Variants in METTL5 observed in about 807,000 individuals in gnomAD.
METTL5 encodes methyltransferase 5, N6-adenosine, also known as rRNA N(6)-adenosine-methyltransferase METTL5.
METTL5 carries 28 observed loss-of-function variants against 26.5 expected under a neutral mutation model. That is an observed-to-expected ratio of 1.06 (90% CI 0.78 to 1.45). The LOEUF (loss-of-function observed/expected upper bound fraction) is 1.45. Ranked by LOEUF, METTL5 falls within the 40% of genes most tolerant of loss-of-function variation. METTL5 has a pLI of 0.00. For missense variants in METTL5, 231 were observed against 249.9 expected (o/e 0.92, Z 0.51); for synonymous variants, 86 against 82.6 (o/e 1.04, Z -0.22).
Position 169,821,283 on chromosome 2 carries a change from C to T in METTL5, c.225-10G>A, listed in dbSNP as rs201934705. ...AAATCCAACACACAACCTATAAATACAAAACACATACAAAGAGTGGCGACT... is the reference window on the plus strand; with the variant it reads ...AAATCCAACACACAACCTATAAATATAAAACACATACAAAGAGTGGCGACT... On this transcript the variant is annotated splice_polypyrimidine_tract_variant and intron_variant, in intron 2 of 6. Coordinates refer to ENST00000260953, the MANE Select transcript of METTL5 (RefSeq NM_014168.4). The T allele has an allele frequency of 3.9e-5, 62 of 1,573,536 alleles. No homozygotes were observed. In the South Asian group the frequency reaches 4.7e-4, roughly 12 times the overall value.
chr2:169,824,272 G>C (rs1448508357), intron 1 of METTL5: 4 of 507,278 alleles, frequency 7.9e-6, no homozygotes, highest in African/African-American at 5.7e-5. Context: ...CAGTGTTAAG[G>C]GATATGCAGA....
intron 4 of METTL5, among the ~76,000 whole-genome samples, chr2:169,819,309 TTTC>T (rs1359271091): frequency 6.6e-6 from 1 of 152,042 alleles, no homozygotes; most frequent in Non-Finnish European, 1.5e-5. Flanking sequence ...ACAACACACT[TTTC>T]TACTCCTGAG....
intron 1 of METTL5, 29 bp downstream of exon 1, chr2:169,824,460 G>GC: frequency 6.6e-7 from 1 of 1,503,938 alleles, no homozygotes. Flanking sequence ...AACGCCGAAA[G>GC]CCGGGGCGTG....
intron 4 of METTL5, among the ~76,000 whole-genome samples, chr2:169,816,660 GA>G (rs1364344698): frequency 6.6e-6 from 1 of 152,152 alleles, no homozygotes; most frequent in African/African-American, 2.4e-5. Flanking sequence ...ACAACCATCT[GA>G]TCTTTGACAA....
At position 169,824,484 on chromosome 2, in the gene METTL5, C is replaced by G. The variant is rs2081626258; in HGVS notation, c.109+5G>C. 4.3e-6 allele frequency: 7 copies of G among 1,611,610 alleles called. No homozygotes were observed. The highest frequency in any genetic ancestry group is 5.9e-6 in the Non-Finnish European group (7 of 1,177,728). ...AGCCGGGGCGTGGTGAACCAGCCGC[C>G]CTACCTGCAATGTGCGGCCTGGTAG... On this transcript the variant is annotated splice_donor_5th_base_variant and intron_variant, in intron 1 of 6. Coordinates refer to ENST00000260953, the MANE Select transcript of METTL5 (RefSeq NM_014168.4).
Position 169,824,675 on chromosome 2 carries a change from C to T in METTL5, c.-78G>A. On this transcript the variant is annotated 5_prime_UTR_variant, in exon 1 of 7. Coordinates refer to ENST00000260953, the MANE Select transcript of METTL5 (RefSeq NM_014168.4). ...AATCTATTGAACTGGGATCTTGTTT[C>T]CTCCCTACCCCCAACCTTCTCCCTT... 2 of 1,149,196 alleles carry T rather than the reference C, an allele frequency of 1.7e-6. No individual in the cohort carries two copies. Among genetic ancestry groups the T allele is most frequent in the South Asian group, 1.2e-5 (1 of 81,256 alleles). The allele number at this position is 1,149,196 out of a possible 1,614,324, so 71.2% of individuals were successfully genotyped here. A position where few individuals can be genotyped will look rare whatever the true frequency, so the allele number is the denominator to read the frequency against.
intron 2 of METTL5, 60 bp from the exon 3 acceptor site, chr2:169,821,333 C>A (rs921768410): frequency 3.0e-5 from 37 of 1,234,550 alleles, no homozygotes; most frequent in South Asian, 7.9e-5. Context: ...AAAAACAAAA[C>A]CAAAATTAGC....
intron 1 of METTL5, among the ~76,000 whole-genome samples, chr2:169,822,352 A>G (rs1370398300): frequency 1.3e-5 from 2 of 152,182 alleles, no homozygotes; most frequent in African/African-American, 4.8e-5. Flanking sequence ...CAAAACGTTT[A>G]GTTTTTCCTC....
chr2:169,821,420 CTTTT>C, intron 2 of METTL5, 147 bp from the exon 3 acceptor site: 1 of 581,512 alleles, frequency 1.7e-6, no homozygotes, highest in South Asian at 2.4e-5. Context: ...TTTTTTTTTT[CTTTT>C]TTCAGACAGG....
intron 3 of METTL5, among the ~76,000 whole-genome samples, chr2:169,819,982 T>A (rs369338171): frequency 0.07 from 9,522 of 136,040 alleles, 431 homozygotes; most frequent in African/African-American, 0.15. Context: ...TTTTTTTTTT[T>A]GTTTCGCTCT....
At chr2:169,823,987 T>C (rs567231725) in intron 1 of METTL5, among the ~76,000 whole-genome samples, 10 of 152,374 alleles carry the variant, frequency 6.6e-5, no homozygotes, top group African/African-American at 2.4e-4. Context: ...TGCTCATCTT[T>C]ACACAGCACA....
intron 5 of METTL5, among the ~76,000 whole-genome samples, chr2:169,813,667 C>A (rs554780920): frequency 6.6e-6 from 1 of 151,124 alleles, no homozygotes. Context: ...CCAGCCTGAC[C>A]AACATTGTGA....
intron 4 of METTL5, 141 bp from the exon 5 acceptor site, chr2:169,815,669 G>T: frequency 1.8e-6 from 1 of 562,458 alleles, no homozygotes; most frequent in South Asian, 2.8e-5. Context: ...TCAATTGAAT[G>T]GATAGTATTC....
At chr2:169,815,882 GCACAA>G (rs1417929336) in intron 4 of METTL5, among the ~76,000 whole-genome samples, 1 of 152,176 alleles carries the variant, frequency 6.6e-6, no homozygotes, top group Non-Finnish European at 1.5e-5. Context: ...TGACATCACA[GCACAA>G]CACATTACCT....
intron 1 of METTL5, chr2:169,824,287 T>A (rs936401250): frequency 3.7e-6 from 2 of 535,772 alleles, no homozygotes; most frequent in Non-Finnish European, 6.8e-6. Context: ...TGCAGAAAAC[T>A]AGACAGTAAA....
At chr2:169,819,195 C>A (rs1259188756) in intron 4 of METTL5, among the ~76,000 whole-genome samples, 1 of 152,192 alleles carries the variant, frequency 6.6e-6, no homozygotes, top group African/African-American at 2.4e-5. Context: ...GAAAACCTGG[C>A]CTTACTGCCT....
intron 5 of METTL5, 48 bp downstream of exon 5, chr2:169,815,429 C>T (rs371330405): frequency 4.7e-5 from 67 of 1,425,276 alleles, no homozygotes; most frequent in African/African-American, 1.3e-4. Context: ...TTTGGTTGGG[C>T]GAATACATGT....
At chr2:169,812,040 ATATAC>A in intron 6 of METTL5, 182 bp from the exon 7 acceptor site, 1 of 697,356 alleles carries the variant, frequency 1.4e-6, no homozygotes, top group Admixed American at 3.2e-5. Context: ...CTAATAAAAT[ATATAC>A]TATATGAAAA....
chr2:169,820,183 C>T (rs1163486545), intron 3 of METTL5, among the ~76,000 whole-genome samples: 1 of 152,074 alleles, frequency 6.6e-6, no homozygotes, highest in Non-Finnish European at 1.5e-5. Flanking sequence ...TCTCAAACTC[C>T]CGACCTCAGG....
Sources: allele counts gnomAD v4.1 joint callset (sites outside exome capture counted in the v4.1 genomes callset), GRCh38; gene constraint gnomAD v4.1.1; transcripts MANE v1.5; gene names NCBI Gene and HGNC (gene_info 2026-07-23, HGNC 2026-07-21).